Variants in SNX14 observed in about 807,000 individuals in gnomAD.
SNX14 encodes sorting nexin-14.
In SNX14, 93 loss-of-function variants were observed where a neutral mutation model predicts 133.8. That is an observed-to-expected ratio of 0.70 (90% CI 0.59 to 0.83). SNX14 has a LOEUF of 0.83. SNX14 is among the 40% of genes least tolerant of loss of function. SNX14 has a pLI of 0.00. For missense variants in SNX14, 945 were observed against 1,094.9 expected (o/e 0.86, Z 1.93); for synonymous variants, 368 against 365.6 (o/e 1.01, Z -0.07).
In SNX14 at chr6:85,543,755, A is replaced by T; in HGVS notation, c.1114T>A (p.Phe372Ile). ...TCTGGTCGTAAAATTCTATCATTAA[A>T]TTCCTCTAACAAATGAGGGAATGAA... The part of the protein sequence containing the change: ...VLQFCLTVEE[F>I]NDRILRPELS... The change falls in exon 13 of 29, where the codon TTT becomes ATT. Residue 372 changes from phenylalanine (F) to isoleucine (I), a missense_variant. Around this residue, in one of 3 missense-constraint regions of SNX14, gnomAD observed 514 missense variants for 538.8 expected, o/e 0.95. Coordinates refer to ENST00000314673, the MANE Select transcript of SNX14 (RefSeq NM_153816.6). The T allele has an allele frequency of 6.5e-7, 1 of 1,543,982 alleles. No homozygotes were observed. The highest frequency in any genetic ancestry group is 1.3e-5 in the South Asian group (1 of 76,718).
At chr6:85,536,078 T>C (rs915417847) in intron 17 of SNX14, among the ~76,000 whole-genome samples, 3 of 152,156 alleles carry the variant, frequency 2.0e-5, no homozygotes, top group African/African-American at 7.2e-5. Context: ...CATTATGGTA[T>C]AAGCTTTAAC....
In SNX14 at chr6:85,558,027, A is replaced by G. The variant is rs1373899187; in HGVS notation, c.583T>C (p.Leu195=). Residue 195 remains leucine, a synonymous_variant, in exon 7 of 29, where the codon TTA becomes CTA. Coordinates refer to ENST00000314673, the MANE Select transcript of SNX14 (RefSeq NM_153816.6). ...DIPSIITKKL[L]KAAMKHIEVI... The stretch of plus-strand genomic sequence containing the variant: ...TCTATATGCTTCATTGCTGCTTTTA[A>G]TAGTTTCTTGGTTATAATAGATGGA... 6.3e-6 allele frequency: 10 copies of G among 1,592,312 alleles called. No homozygotes were observed. Among genetic ancestry groups the G allele is most frequent in the East Asian group, 2.2e-5 (1 of 44,552 alleles).
chr6:85,513,770 T>C (rs1374600418), intron 26 of SNX14, 30 bp downstream of exon 26: 4 of 1,525,310 alleles, frequency 2.6e-6, no homozygotes, highest in Non-Finnish European at 3.6e-6. Context: ...CTAATCTATA[T>C]GAAATTAAGT....
At chr6:85,511,915 T>G (rs1312353016) in intron 26 of SNX14, among the ~76,000 whole-genome samples, 1 of 152,174 alleles carries the variant, frequency 6.6e-6, no homozygotes, top group Non-Finnish European at 1.5e-5. Flanking sequence ...AAACAGGCCT[T>G]TAGTAATGTG....
intron 5 of SNX14, among the ~76,000 whole-genome samples, chr6:85,566,740 A>C (rs1235279364): frequency 6.6e-6 from 1 of 152,086 alleles, no homozygotes; most frequent in Non-Finnish European, 1.5e-5. Context: ...AAATATACTG[A>C]ATCAATATAA....
intron 5 of SNX14, 39 bp downstream of exon 5, chr6:85,567,495 C>G: frequency 7.2e-7 from 1 of 1,389,770 alleles, no homozygotes; most frequent in South Asian, 1.3e-5. Context: ...ATAGTATTCA[C>G]TGTATCACAG....
In SNX14 at chr6:85,526,119, G is replaced by A; in HGVS notation, c.2107+7C>T. 6.7e-7 allele frequency: 1 copy of A among 1,495,676 alleles called. No homozygotes were observed. The highest frequency in any genetic ancestry group is 2.3e-5 in the East Asian group (1 of 43,548). The allele number at this position is 1,495,676 out of a possible 1,614,324, so 92.7% of individuals were successfully genotyped here. ...TTATCTTATAATGATTCTTTAAATT[G>A]ACTTACCAAGATTTACATCTGGTAG... On this transcript the variant is annotated splice_region_variant and intron_variant, in intron 21 of 28. Transcript: ENST00000314673.
chr6:85,581,928 C>G (rs1799178162), intron 1 of SNX14: 1 of 152,078 alleles, frequency 6.6e-6, no homozygotes, highest in African/African-American at 2.4e-5. Context: ...AAAGTTTATT[C>G]AAAGGGATAA....
chr6:85,512,291 G>C (rs544025960), intron 26 of SNX14, among the ~76,000 whole-genome samples: 4 of 152,220 alleles, frequency 2.6e-5, no homozygotes, highest in African/African-American at 9.6e-5. Flanking sequence ...TTCACTGTGG[G>C]ATCTTGGTCA....
At chr6:85,582,192 A>G (rs1799248588) in intron 1 of SNX14, among the ~76,000 whole-genome samples, 1 of 152,204 alleles carries the variant, frequency 6.6e-6, no homozygotes, top group Non-Finnish European at 1.5e-5. Context: ...GACATAGGAT[A>G]TAAAGTGCAT....
intron 12 of SNX14, 99 bp downstream of exon 12, chr6:85,547,013 A>G: frequency 2.4e-6 from 2 of 840,386 alleles, no homozygotes; most frequent in Non-Finnish European, 3.6e-6. Flanking sequence ...ATTTAGTACA[A>G]TGATAGATGG....
intron 6 of SNX14, among the ~76,000 whole-genome samples, chr6:85,562,489 C>T (rs1230758374): frequency 2.6e-5 from 4 of 151,532 alleles, no homozygotes; most frequent in Non-Finnish European, 5.9e-5. Context: ...ATTATATTTA[C>T]TCAATTAACA....
intron 6 of SNX14, among the ~76,000 whole-genome samples, chr6:85,559,467 T>C (rs1462602886): frequency 4.6e-5 from 7 of 152,212 alleles, no homozygotes. Flanking sequence ...CACTAAACTT[T>C]GATTTTTAAA....
At position 85,565,325 on chromosome 6, in the gene SNX14, T is replaced by C. The variant is rs1454687274; in HGVS notation, c.549+7A>G. 5 of 1,548,378 alleles carry C rather than the reference T, an allele frequency of 3.2e-6. No homozygotes were observed. The highest frequency in any genetic ancestry group is 3.5e-6 in the Non-Finnish European group (4 of 1,142,320). On this transcript the variant is annotated splice_region_variant and intron_variant, in intron 6 of 28. Transcript: ENST00000314673. ...AAATTCCCAAATTTCTCATTAAAAA[T>C]ATATACCTTGTGAATCCTTCTTATT... is the stretch of plus-strand genomic sequence containing the variant.
chr6:85,533,548 C>T (rs1562253314), intron 18 of SNX14, 51 bp downstream of exon 18: 1 of 1,550,090 alleles, frequency 6.5e-7, no homozygotes, highest in South Asian at 1.2e-5. Flanking sequence ...CTGATAACAA[C>T]AGACTCATTC....
chr6:85,563,123 G>T (rs1792324573), intron 6 of SNX14, among the ~76,000 whole-genome samples: 1 of 151,732 alleles, frequency 6.6e-6, no homozygotes, highest in Admixed American at 6.6e-5. Flanking sequence ...TTTTTTTTGT[G>T]AACTACTGTA....
At chr6:85,509,409 G>C (rs1007557841) in intron 26 of SNX14, among the ~76,000 whole-genome samples, 1 of 152,154 alleles carries the variant, frequency 6.6e-6, no homozygotes, top group Non-Finnish European at 1.5e-5. Flanking sequence ...TTTATATTCA[G>C]AGCAGATATT....
At chr6:85,551,598 G>C (rs776692337) in intron 7 of SNX14, among the ~76,000 whole-genome samples, 8 of 152,208 alleles carry the variant, frequency 5.3e-5, no homozygotes, top group Non-Finnish European at 1.0e-4. Context: ...TATGAAACCA[G>C]AACTCTCTCT....
At chr6:85,519,682 A>T (rs1301231821) in intron 21 of SNX14, among the ~76,000 whole-genome samples, 8 of 152,174 alleles carry the variant, frequency 5.3e-5, no homozygotes, top group African/African-American at 1.9e-4. Flanking sequence ...CAGCCTGACC[A>T]ACATGGTGAA....
Sources: allele counts gnomAD v4.1 joint callset (sites outside exome capture counted in the v4.1 genomes callset), GRCh38; gene constraint gnomAD v4.1.1; regional missense constraint gnomAD v4.1.1; transcripts MANE v1.5; gene names NCBI Gene and HGNC (gene_info 2026-07-23, HGNC 2026-07-21).